MAP2K5: variants seen among roughly 807,000 people sequenced by gnomAD.
MAP2K5 encodes the protein dual specificity mitogen-activated protein kinase kinase 5.
Under a neutral mutation model 83.1 loss-of-function variants are expected in MAP2K5, and 49 were observed. The ratio of observed to expected loss-of-function variants is 0.59; its 90% CI spans 0.47 to 0.75. MAP2K5 has a LOEUF of 0.75. MAP2K5 is among the 30% of genes least tolerant of loss of function. MAP2K5 has a pLI of 0.00. For synonymous variants in MAP2K5, 202 were observed against 191.8 expected (o/e 1.05, Z -0.44); for missense variants, 457 against 557.5 (o/e 0.82, Z 1.82).
intron 17 of MAP2K5, among the ~76,000 whole-genome samples, chr15:67,728,190 A>G (rs909484769): frequency 6.6e-6 from 1 of 151,624 alleles, no homozygotes; most frequent in Non-Finnish European, 1.5e-5. Flanking sequence ...GACATTCGGG[A>G]TTGTTTTTTT....
intron 4 of MAP2K5, among the ~76,000 whole-genome samples, chr15:67,584,846 G>A (rs1472840763): frequency 7.3e-5 from 11 of 151,146 alleles, no homozygotes; most frequent in Non-Finnish European, 1.0e-4. Context: ...ACAGGCGCCC[G>A]CCACCATGCC....
chr15:67,610,110 G>T (rs983052859), intron 8 of MAP2K5, among the ~76,000 whole-genome samples: 60 of 152,220 alleles, frequency 3.9e-4, no homozygotes, highest in African/African-American at 1.4e-3. Flanking sequence ...CCAAGCCAAG[G>T]TTTTTCTGTT....
chr15:67,568,782 G>A (rs538464643), intron 3 of MAP2K5, among the ~76,000 whole-genome samples: 6 of 151,940 alleles, frequency 3.9e-5, no homozygotes, highest in African/African-American at 9.6e-5. Context: ...TGAGGCGGGC[G>A]GATCATGAGG....
chr15:67,805,191 A>G (rs756464035), intron 21 of MAP2K5, among the ~76,000 whole-genome samples: 5 of 152,226 alleles, frequency 3.3e-5, no homozygotes, highest in Non-Finnish European at 7.3e-5. Flanking sequence ...CAGCTCTGAC[A>G]GTGCTCTGTG....
At chr15:67,791,271 C>T (rs2090513066) in intron 21 of MAP2K5, among the ~76,000 whole-genome samples, 1 of 152,136 alleles carries the variant, frequency 6.6e-6, no homozygotes, top group South Asian at 2.1e-4. Flanking sequence ...AGGGATGAGG[C>T]AAAGACTGAA....
intron 11 of MAP2K5, among the ~76,000 whole-genome samples, chr15:67,649,835 G>T (rs1042305569): frequency 6.6e-6 from 1 of 152,060 alleles, no homozygotes; most frequent in African/African-American, 2.4e-5. Flanking sequence ...TGAATACCTA[G>T]CATTTTCATT....
rs545007665 is a variant in MAP2K5 at position 67,561,053 on chromosome 15, C to G, written c.185-2230C>G. On this transcript the variant is annotated intron_variant, in intron 2 of 21. Transcript: ENST00000178640. This position sits in a 1 kb window ranked among gnomAD's most constrained non-coding sequence, Gnocchi z 4.2. ...TAAGCAGTCTCTTTTTAACCATAATCTCTATAGCTAGCTTAGTTGCAGAAA... is the reference window on the plus strand; with the variant it reads ...TAAGCAGTCTCTTTTTAACCATAATGTCTATAGCTAGCTTAGTTGCAGAAA... Among the ~76,000 whole-genome samples, 9 of 152,294 alleles carry G rather than the reference C, an allele frequency of 5.9e-5. No homozygotes were observed. The highest frequency in any genetic ancestry group is 2.2e-4 in the African/African-American group (9 of 41,562).
rs1567348126 is a variant in MAP2K5 at position 67,668,331 on chromosome 15, C to T, written c.847+3686C>T. On this transcript the variant is annotated intron_variant, in intron 13 of 21. Transcript: ENST00000178640. This position sits in a 1 kb window ranked among gnomAD's most constrained non-coding sequence, Gnocchi z 4.0. ...AATCTTTTCTCTAAAATAAACCAAA[C>T]GTGTGATAATTCCACATGAGGACAT... 1.3e-5 allele frequency among the ~76,000 whole-genome samples: 2 copies of T among 152,166 alleles called. No homozygotes were observed. The highest frequency in any genetic ancestry group is 2.1e-4 in the South Asian group (1 of 4,816).
In MAP2K5 at chr15:67,720,097, T is replaced by A. The variant is rs971657184; in HGVS notation, c.1045-7819T>A. On this transcript the variant is annotated intron_variant, in intron 16 of 21. Transcript: ENST00000178640. This position sits in a 1 kb window ranked among gnomAD's most constrained non-coding sequence, Gnocchi z 5.7. ...AAATTGAGGGTTTTTTCCCCTTTTTTATTTATCAATTAGCTGCCTTATACT... is the reference window on the plus strand; with the variant it reads ...AAATTGAGGGTTTTTTCCCCTTTTTAATTTATCAATTAGCTGCCTTATACT... 3.3e-5 allele frequency among the ~76,000 whole-genome samples: 5 copies of A among 152,184 alleles called. No homozygotes were observed. The highest frequency in any genetic ancestry group is 1.2e-4 in the African/African-American group (5 of 41,448).
At chr15:67,743,315 G>C (rs2089534366) in intron 17 of MAP2K5, among the ~76,000 whole-genome samples, 1 of 152,116 alleles carries the variant, frequency 6.6e-6, no homozygotes, top group Non-Finnish European at 1.5e-5. Flanking sequence ...GACTTTTTTA[G>C]GTCCTGTGAA....
chr15:67,546,824 G>A (rs914660419), intron 1 of MAP2K5, among the ~76,000 whole-genome samples: 5 of 152,102 alleles, frequency 3.3e-5, no homozygotes, highest in South Asian at 2.1e-4. Context: ...CAACACTTTG[G>A]GAGGCCGAGG....
intron 3 of MAP2K5, among the ~76,000 whole-genome samples, chr15:67,575,922 T>TCTTTCTTTC (rs56896938): frequency 0.013 from 781 of 58,330 alleles, 8 homozygotes; most frequent in African/African-American, 0.041. Context: ...CTTTCTTTTT[T>TCTTTCTTTC]TTTTTTTTTT....
intron 21 of MAP2K5, among the ~76,000 whole-genome samples, chr15:67,806,314 C>G (rs569907469): frequency 4.1e-4 from 62 of 152,352 alleles, no homozygotes; most frequent in African/African-American, 1.4e-3. Flanking sequence ...GCGAGTGATG[C>G]CGGGCAGAGG....
chr15:67,716,807 A>G (rs1051124461), intron 16 of MAP2K5, among the ~76,000 whole-genome samples: 1 of 152,116 alleles, frequency 6.6e-6, no homozygotes, highest in Non-Finnish European at 1.5e-5. Flanking sequence ...GGGTGACAAC[A>G]TCACACTTTT....
At chr15:67,630,748 A>G in intron 8 of MAP2K5, 140 bp from the exon 9 acceptor site, 1 of 653,138 alleles carries the variant, frequency 1.5e-6, no homozygotes, top group Non-Finnish European at 2.7e-6. Context: ...ATAAATGTAA[A>G]TTACTAATGT....
intron 3 of MAP2K5, among the ~76,000 whole-genome samples, chr15:67,579,682 C>G (rs989142363): frequency 6.6e-6 from 1 of 151,750 alleles, no homozygotes; most frequent in South Asian, 2.1e-4. Flanking sequence ...TTATAGCTCC[C>G]CTTTATTTTC....
intron 17 of MAP2K5, among the ~76,000 whole-genome samples, chr15:67,732,673 C>G (rs1235406250): frequency 6.1e-5 from 9 of 148,028 alleles, no homozygotes; most frequent in Non-Finnish European, 1.3e-4. Flanking sequence ...TTTTTTTTTT[C>G]AAAAATTCCG....
intron 19 of MAP2K5, among the ~76,000 whole-genome samples, chr15:67,756,062 G>A (rs367897752): frequency 6.6e-6 from 1 of 152,156 alleles, no homozygotes; most frequent in Non-Finnish European, 1.5e-5. Flanking sequence ...CCACACTAGG[G>A]CACAAAGGCC....
chr15:67,660,223 G>A (rs1481596041), intron 12 of MAP2K5, among the ~76,000 whole-genome samples: 1 of 151,978 alleles, frequency 6.6e-6, no homozygotes, highest in African/African-American at 2.4e-5. Flanking sequence ...CCACGGAAAT[G>A]ATCACCTCCA....
Sources: allele counts gnomAD v4.1 joint callset (sites outside exome capture counted in the v4.1 genomes callset), GRCh38; gene constraint gnomAD v4.1.1; non-coding constraint Gnocchi (gnomAD v3.1); transcripts MANE v1.5; gene names NCBI Gene and HGNC (gene_info 2026-07-23, HGNC 2026-07-21).